Variants in TNR observed in about 807,000 individuals in gnomAD.
TNR encodes tenascin R, also known as tenascin-R.
A neutral mutation model predicts 150.4 loss-of-function variants in TNR; 45 were observed. The observed-to-expected ratio is 0.30, with a 90% confidence interval of 0.24 to 0.38. The LOEUF is 0.38. TNR is among the 10% of genes least tolerant of loss of function. The pLI, the probability that TNR is intolerant of heterozygous loss-of-function variation, is 1.00. For synonymous variants in TNR, 687 were observed against 678.4 expected, an observed-to-expected ratio of 1.01 and a Z score of -0.20; for missense variants, 1,544 against 1,759.1, an observed-to-expected ratio of 0.88 and a Z score of 2.19.
At chr1:175,365,770 C>A in intron 11 of TNR, 105 bp downstream of exon 11, 1 of 1,486,806 alleles carries the variant, frequency 6.7e-7, no homozygotes, top group African/African-American at 1.4e-5. Flanking sequence ...CCTCTCTTTT[C>A]TCCAAAGGAA....
chr1:175,623,322 C>G (rs1664038947), intron 1 of TNR, among the ~76,000 whole-genome samples: 1 of 152,166 alleles, frequency 6.6e-6, no homozygotes, highest in Non-Finnish European at 1.5e-5. Context: ...TAATATATAT[C>G]TAGTACCTGA....
chr1:175,562,642 G>C (rs1661476530), intron 1 of TNR, among the ~76,000 whole-genome samples: 1 of 152,242 alleles, frequency 6.6e-6, no homozygotes, highest in Non-Finnish European at 1.5e-5. Flanking sequence ...CAGAGAACAA[G>C]AGACAGGATG....
chr1:175,400,067 G>T (rs542456993), intron 4 of TNR, among the ~76,000 whole-genome samples: 1 of 152,284 alleles, frequency 6.6e-6, no homozygotes, highest in South Asian at 2.1e-4. Context: ...CTGGCTCCGG[G>T]GGAGTTTTGG....
chr1:175,607,313 T>C (rs1663440872), intron 1 of TNR, among the ~76,000 whole-genome samples: 1 of 152,186 alleles, frequency 6.6e-6, no homozygotes, highest in South Asian at 2.1e-4. Flanking sequence ...CTTTAATTCA[T>C]AGAAGCCCAA....
At chr1:175,692,633 G>C (rs1309362212) in intron 1 of TNR, among the ~76,000 whole-genome samples, 1 of 152,182 alleles carries the variant, frequency 6.6e-6, no homozygotes, top group South Asian at 2.1e-4. Flanking sequence ...GCAGGAGTAA[G>C]CAGTGGAGAG....
At position 175,706,104 on chromosome 1, in the gene TNR, T is replaced by C. The variant is rs554538950; in HGVS notation, c.-165+37122A>G. 5.3e-5 allele frequency among the ~76,000 whole-genome samples: 8 copies of C among 152,188 alleles called. No homozygotes were observed. The East Asian group carries it at 1.2e-3, about 22-fold the overall frequency. Reference sequence around the variant, plus strand: ...CCCCCCACCAAAATCAATAACACCATAGTTTGACATCAATGAGATAAAATG... The same window carrying C: ...CCCCCCACCAAAATCAATAACACCACAGTTTGACATCAATGAGATAAAATG... On this transcript the variant is annotated intron_variant, in intron 1 of 22. Coordinates refer to ENST00000367674, the MANE Select transcript of TNR (RefSeq NM_003285.3).
intron 1 of TNR, among the ~76,000 whole-genome samples, chr1:175,598,486 T>C (rs1034532563): frequency 7.9e-5 from 12 of 152,234 alleles, no homozygotes; most frequent in Non-Finnish European, 4.4e-5. Context: ...AATACAGTTA[T>C]AGTTTTCAGC....
In TNR at chr1:175,468,374, C is replaced by T. The variant is rs116054540; in HGVS notation, c.-64+59895G>A. On this transcript the variant is annotated intron_variant, in intron 2 of 22. Coordinates refer to ENST00000367674, the MANE Select transcript of TNR (RefSeq NM_003285.3). ...CTTAATTGAGGTGACGCATTGAAGGCATCTGGCATAATAATCACACCAGTT... is the reference window on the plus strand; with the variant it reads ...CTTAATTGAGGTGACGCATTGAAGGTATCTGGCATAATAATCACACCAGTT... Among the ~76,000 whole-genome samples, 1,262 of 152,316 alleles carry T rather than the reference C, an allele frequency of 8.3e-3. 19 individuals are homozygous for T. Among genetic ancestry groups the T allele is most frequent in the African/African-American group, 0.028 (1,162 of 41,572 alleles).
Position 175,698,673 on chromosome 1 carries a change from TC to T in TNR, c.-165+44552del, listed in dbSNP as rs1374707081. On this transcript the variant is annotated intron_variant, in intron 1 of 22. Coordinates refer to ENST00000367674, the MANE Select transcript of TNR (RefSeq NM_003285.3). ...CTGGCCAACATGATGAAACCCCTTCTCTACTAAAAGTACAAAAATTAGCCGG... is the reference window on the plus strand; with the variant it reads ...CTGGCCAACATGATGAAACCCCTTCTTACTAAAAGTACAAAAATTAGCCGG... Among the ~76,000 whole-genome samples the T allele has an allele frequency of 2.6e-5, 4 of 152,166 alleles. No individual in the cohort carries two copies. In the East Asian group the frequency reaches 7.7e-4, roughly 29 times the overall value.
At chr1:175,626,096 C>T (rs564281267) in intron 1 of TNR, among the ~76,000 whole-genome samples, 16 of 152,318 alleles carry the variant, frequency 1.1e-4, no homozygotes, top group African/African-American at 3.8e-4. Flanking sequence ...TTCTCTCTTG[C>T]CACTGCCATG....
At chr1:175,475,614 C>T (rs987809926) in intron 2 of TNR, among the ~76,000 whole-genome samples, 5 of 152,214 alleles carry the variant, frequency 3.3e-5, no homozygotes, top group Admixed American at 6.5e-5. Context: ...GCCTTTGCAC[C>T]TGCTGGACCC....
chr1:175,475,707 A>G (rs1394112320), intron 2 of TNR, among the ~76,000 whole-genome samples: 2 of 152,222 alleles, frequency 1.3e-5, no homozygotes, highest in Non-Finnish European at 2.9e-5. Flanking sequence ...GCTTCCTTCA[A>G]GAAGGCAATT....
At chr1:175,650,787 T>TCACTAATAACC (rs1419806190) in intron 1 of TNR, among the ~76,000 whole-genome samples, 34 of 33,644 alleles carry the variant, frequency 1.0e-3, no homozygotes, top group Admixed American at 1.6e-3. Flanking sequence ...TCATTACTCC[T>TCACTAATAACC]CCTCCCCCAT....
At chr1:175,471,546 T>C (rs1043215223) in intron 2 of TNR, among the ~76,000 whole-genome samples, 4 of 152,160 alleles carry the variant, frequency 2.6e-5, no homozygotes, top group Non-Finnish European at 5.9e-5. Context: ...TCTCTAAACA[T>C]AGAAGAGGTA....
intron 1 of TNR, among the ~76,000 whole-genome samples, chr1:175,611,245 G>A (rs1663588402): frequency 6.6e-6 from 1 of 152,010 alleles, no homozygotes. Context: ...ATCACATCAG[G>A]GAAATGATGT....
chr1:175,540,481 T>C (rs984117449), intron 1 of TNR, among the ~76,000 whole-genome samples: 48 of 152,328 alleles, frequency 3.2e-4, no homozygotes, highest in African/African-American at 1.1e-3. Context: ...GTAATTCTTA[T>C]GGCTAAGGAA....
chr1:175,363,915 C>A, intron 12 of TNR, 88 bp from the exon 13 acceptor site: 1 of 1,470,776 alleles, frequency 6.8e-7, no homozygotes, highest in South Asian at 1.4e-5. Flanking sequence ...TGACCAAAAG[C>A]CAATGTTGTC....
intron 2 of TNR, among the ~76,000 whole-genome samples, chr1:175,486,784 T>A (rs1402333325): frequency 3.9e-5 from 6 of 152,256 alleles, no homozygotes; most frequent in African/African-American, 1.2e-4. Context: ...CTCCAGCATC[T>A]GTTGTTTCCT....
At chr1:175,374,825 G>A (rs1415325068) in intron 9 of TNR, among the ~76,000 whole-genome samples, 3 of 152,212 alleles carry the variant, frequency 2.0e-5, no homozygotes, top group South Asian at 2.1e-4. Flanking sequence ...GTGAGAGCAC[G>A]GTGCTCCTGT....
Sources: gnomAD v4.1 joint callset for allele counts (sites outside exome capture counted in the v4.1 genomes callset) on GRCh38, gnomAD v4.1.1 for gene constraint, MANE v1.5 for transcripts, NCBI Gene and HGNC (gene_info 2026-07-23, HGNC 2026-07-21) for gene names.